The following PLEKHM3 variants were observed in gnomAD, a reference collection of about 807,000 sequenced individuals.
PLEKHM3 encodes pleckstrin homology domain-containing family M member 3.
A neutral mutation model predicts 81.8 loss-of-function variants in PLEKHM3; 45 were observed. That is an observed-to-expected ratio of 0.55 (90% CI 0.43 to 0.71). PLEKHM3 has a LOEUF of 0.71. PLEKHM3 is among the 30% of genes least tolerant of loss of function. PLEKHM3 has a pLI of 0.00. For synonymous variants in PLEKHM3, 352 were observed against 356.4 expected, an observed-to-expected ratio of 0.99 and a Z score of 0.14; for missense variants, 788 against 924.3, an observed-to-expected ratio of 0.85 and a Z score of 1.91.
At chr2:207,881,243 G>T (rs372896951) in intron 6 of PLEKHM3, among the ~76,000 whole-genome samples, 1 of 152,186 alleles carries the variant, frequency 6.6e-6, no homozygotes, top group African/African-American at 2.4e-5. Flanking sequence ...AGATTATTTA[G>T]TAAGTTTTTA....
chr2:207,839,063 T>C (rs887815820), intron 7 of PLEKHM3, among the ~76,000 whole-genome samples: 1 of 152,194 alleles, frequency 6.6e-6, no homozygotes, highest in African/African-American at 2.4e-5. Flanking sequence ...ACCTTCTTAA[T>C]GTAAAATTGA....
At chr2:207,872,418 T>C (rs2092539334) in intron 6 of PLEKHM3, among the ~76,000 whole-genome samples, 1 of 152,196 alleles carries the variant, frequency 6.6e-6, no homozygotes, top group Non-Finnish European at 1.5e-5. Context: ...CTTTTAATGG[T>C]CACATCTCAT....
intron 4 of PLEKHM3, among the ~76,000 whole-genome samples, chr2:207,944,454 T>C (rs1690053515): frequency 6.6e-6 from 1 of 152,168 alleles, no homozygotes; most frequent in Non-Finnish European, 1.5e-5. Flanking sequence ...CTTTGGTGGC[T>C]GGAAGGAGGA....
At chr2:207,918,078 C>A (rs1689053867) in intron 5 of PLEKHM3, among the ~76,000 whole-genome samples, 1 of 152,090 alleles carries the variant, frequency 6.6e-6, no homozygotes, top group African/African-American at 2.4e-5. Flanking sequence ...GAATAATAAT[C>A]CCCATTTACT....
At position 207,930,093 on chromosome 2, in the gene PLEKHM3, AC is replaced by A. The variant is rs1689537028; in HGVS notation, c.1886+832del. 3.3e-5 allele frequency among the ~76,000 whole-genome samples: 5 copies of A among 152,366 alleles called. No individual in the cohort carries two copies. The South Asian group carries it at 1.0e-3, about 32-fold the overall frequency. ...AAAAAGGAATTTTATGAGAGCAGGCACATTTTACTTTCAACTTTAAGGATCT... is the reference window on the plus strand; with the variant it reads ...AAAAAGGAATTTTATGAGAGCAGGCAATTTTACTTTCAACTTTAAGGATCT... On this transcript the variant is annotated intron_variant, in intron 5 of 7. Coordinates refer to ENST00000427836, the MANE Select transcript of PLEKHM3 (RefSeq NM_001080475.3).
intron 3 of PLEKHM3, among the ~76,000 whole-genome samples, chr2:207,958,274 T>C (rs191243250): frequency 4.5e-4 from 68 of 152,336 alleles, no homozygotes; most frequent in African/African-American, 1.6e-3. Flanking sequence ...GCTAGTAACA[T>C]CTGCTCCAAG....
chr2:207,893,323 G>GT (rs1688118156), intron 6 of PLEKHM3, among the ~76,000 whole-genome samples: 1 of 152,208 alleles, frequency 6.6e-6, no homozygotes, highest in South Asian at 2.1e-4. Flanking sequence ...CCTTCTTTGG[G>GT]TTTTGGGGGA....
chr2:207,958,639 G>T (rs1188661707), intron 3 of PLEKHM3, among the ~76,000 whole-genome samples: 1 of 152,218 alleles, frequency 6.6e-6, no homozygotes, highest in Non-Finnish European at 1.5e-5. Context: ...ACTGGATGTG[G>T]TGGCTCACGC....
At chr2:207,982,098 A>T (rs1465475710) in intron 2 of PLEKHM3, among the ~76,000 whole-genome samples, 1 of 152,146 alleles carries the variant, frequency 6.6e-6, no homozygotes, top group Non-Finnish European at 1.5e-5. Context: ...AATAGTAAAT[A>T]TATTTTCTCA....
chr2:207,849,131 C>T (rs530759793), intron 7 of PLEKHM3, among the ~76,000 whole-genome samples: 45 of 152,098 alleles, frequency 3.0e-4, no homozygotes, highest in African/African-American at 8.2e-4. Flanking sequence ...GCCAGGAGTT[C>T]GAGACCAGCC....
chr2:207,897,950 T>C (rs1688279740), intron 6 of PLEKHM3, among the ~76,000 whole-genome samples: 1 of 152,188 alleles, frequency 6.6e-6, no homozygotes, highest in African/African-American at 2.4e-5. Flanking sequence ...TGCCCTGACC[T>C]TGCAAAGTGA....
chr2:207,865,807 T>C lies in PLEKHM3; in HGVS notation c.1951-4545A>G, dbSNP rs1261743252. On this transcript the variant is annotated intron_variant, in intron 6 of 7. Coordinates refer to ENST00000427836, the MANE Select transcript of PLEKHM3 (RefSeq NM_001080475.3). Reference sequence around the variant, plus strand: ...AAAAAAAAAAAAAAAAAAAAAGATATATATATATATATATATATATATATA... The same window carrying C: ...AAAAAAAAAAAAAAAAAAAAAGATACATATATATATATATATATATATATA... Among the ~76,000 whole-genome samples, 3 of 37,356 alleles carry C rather than the reference T, an allele frequency of 8.0e-5. 1 individual carries two copies. In the Admixed American group the frequency reaches 1.1e-3, roughly 14 times the overall value. 24.5% of individuals were successfully genotyped at this position (37,356 alleles called of 152,430 possible).
intron 6 of PLEKHM3, among the ~76,000 whole-genome samples, chr2:207,897,664 C>A (rs1190712571): frequency 6.6e-6 from 1 of 152,158 alleles, no homozygotes; most frequent in Non-Finnish European, 1.5e-5. Flanking sequence ...CTGCAATGCC[C>A]AATGTTGGAT....
intron 2 of PLEKHM3, among the ~76,000 whole-genome samples, chr2:207,998,799 C>T (rs749773259): frequency 2.6e-5 from 4 of 152,068 alleles, no homozygotes; most frequent in Non-Finnish European, 5.9e-5. Flanking sequence ...AGGACACCCT[C>T]TTGACTCGTG....
chr2:207,858,174 GTA>G lies in PLEKHM3; in HGVS notation c.2108+2929_2108+2930del, dbSNP rs1553544950. 5.7e-5 allele frequency among the ~76,000 whole-genome samples: 7 copies of G among 123,302 alleles called. 1 individual carries two copies. The highest frequency in any genetic ancestry group is 4.3e-4 in the East Asian group (2 of 4,672). 80.9% of individuals were successfully genotyped at this position (123,302 alleles called of 152,430 possible). On this transcript the variant is annotated intron_variant, in intron 7 of 7. Transcript: ENST00000427836. The stretch of plus-strand genomic sequence containing the variant: ...TGTGTGTGTGTGTGTGTGTGTGTGT[GTA>G]TATATTTTTTTTTTTGAGATGAAGT...
At chr2:208,005,335 C>T (rs1692462334) in intron 1 of PLEKHM3, among the ~76,000 whole-genome samples, 1 of 152,132 alleles carries the variant, frequency 6.6e-6, no homozygotes, top group Non-Finnish European at 1.5e-5. Flanking sequence ...TTCCAGGATC[C>T]TATACAGGAT....
At chr2:207,874,530 T>G (rs2092551250) in intron 6 of PLEKHM3, among the ~76,000 whole-genome samples, 1 of 151,304 alleles carries the variant, frequency 6.6e-6, no homozygotes, top group African/African-American at 2.4e-5. Flanking sequence ...GCCGAGATCG[T>G]GCCTTTGCAC....
At chr2:207,877,021 T>TA (rs766624079) in intron 6 of PLEKHM3, among the ~76,000 whole-genome samples, 1 of 152,210 alleles carries the variant, frequency 6.6e-6, no homozygotes, top group Non-Finnish European at 1.5e-5. Flanking sequence ...GAAGATTTTT[T>TA]ACCACTTAGT....
chr2:208,005,974 A>G (rs867373546), intron 1 of PLEKHM3, among the ~76,000 whole-genome samples: 2 of 152,206 alleles, frequency 1.3e-5, no homozygotes, highest in African/African-American at 2.4e-5. Context: ...GGACAAAAGC[A>G]TAAGAGCCCT....
Sources: allele counts gnomAD v4.1 joint callset (sites outside exome capture counted in the v4.1 genomes callset), GRCh38; gene constraint gnomAD v4.1.1; transcripts MANE v1.5; gene names NCBI Gene and HGNC (gene_info 2026-07-23, HGNC 2026-07-21).